The following MAP2K4 variants were observed in gnomAD, a reference collection of about 807,000 sequenced individuals.
MAP2K4 encodes dual specificity mitogen-activated protein kinase kinase 4.
In MAP2K4, 4 loss-of-function variants were observed where a neutral mutation model predicts 48.5. That is an observed-to-expected ratio of 0.08 (90% confidence interval 0.04 to 0.19). MAP2K4 has a LOEUF of 0.19. MAP2K4 is among the 10% of genes least tolerant of loss of function. MAP2K4 has a pLI of 1.00. For synonymous variants in MAP2K4, 166 were observed against 173.1 expected (o/e 0.96, Z 0.32); for missense variants, 258 against 493.3 (o/e 0.52, Z 4.52).
At chr17:12,102,163 T>A (rs1971957847) in intron 4 of MAP2K4, among the ~76,000 whole-genome samples, 1 of 152,126 alleles carries the variant, frequency 6.6e-6, no homozygotes, top group Non-Finnish European at 1.5e-5. Context: ...ATATTTTTAA[T>A]CAGGTTAAGG....
chr17:12,141,711 G>A lies in MAP2K4; in HGVS notation c.*451G>A, dbSNP rs1270006924. 4 of 238,096 alleles carry A rather than the reference G, an allele frequency of 1.7e-5. No homozygotes were observed. The highest frequency in any genetic ancestry group is 2.2e-5 in the African/African-American group (1 of 45,526). 14.7% of individuals were successfully genotyped at this position (238,096 alleles called of 1,614,324 possible). A position where few individuals can be genotyped will look rare whatever the true frequency, so the allele number is the denominator to read the frequency against. ...AGTGAGAAGAGCTTGCACAGCCAAC[G>A]AGACACATTGCCTTCTGGAGCTGGG... On this transcript the variant is annotated 3_prime_UTR_variant, in exon 11 of 11. Coordinates refer to ENST00000353533, the MANE Select transcript of MAP2K4 (RefSeq NM_003010.4).
At chr17:12,092,119 T>C (rs1285712819) in intron 3 of MAP2K4, among the ~76,000 whole-genome samples, 1 of 152,158 alleles carries the variant, frequency 6.6e-6, no homozygotes, top group Non-Finnish European at 1.5e-5. Flanking sequence ...TATTTTATGG[T>C]TTCCTGTAGT....
At chr17:12,049,303 T>C (rs544209441) in intron 1 of MAP2K4, among the ~76,000 whole-genome samples, 1 of 152,344 alleles carries the variant, frequency 6.6e-6, no homozygotes, top group East Asian at 1.9e-4. Context: ...AGGTATTCTA[T>C]GAATGACTTG....
intron 3 of MAP2K4, among the ~76,000 whole-genome samples, chr17:12,089,705 G>T (rs187883470): frequency 3.9e-5 from 6 of 152,212 alleles, no homozygotes; most frequent in African/African-American, 1.4e-4. Flanking sequence ...ACACTCAGCT[G>T]AGCCATACAA....
chr17:12,084,763 T>C (rs1170010829), intron 3 of MAP2K4, among the ~76,000 whole-genome samples: 2 of 152,038 alleles, frequency 1.3e-5, no homozygotes, highest in Non-Finnish European at 2.9e-5. Context: ...GTTAACCAGC[T>C]CTCTGGTTAA....
chr17:12,108,938 A>C (rs1972216826), intron 5 of MAP2K4, among the ~76,000 whole-genome samples: 1 of 152,064 alleles, frequency 6.6e-6, no homozygotes, highest in South Asian at 2.1e-4. Flanking sequence ...ATCTCTCTCT[A>C]ATATATTAAA....
chr17:12,135,158 G>T, intron 9 of MAP2K4, among the ~76,000 whole-genome samples: 1 of 152,030 alleles, frequency 6.6e-6, no homozygotes, highest in East Asian at 1.9e-4. Context: ...GCATGATCTC[G>T]GCTCACCGCA....
At chr17:12,076,837 A>AT (rs575726973) in intron 2 of MAP2K4, among the ~76,000 whole-genome samples, 13 of 147,796 alleles carry the variant, frequency 8.8e-5, no homozygotes, top group Non-Finnish European at 1.6e-4. Context: ...AGAGTTACGG[A>AT]TTTTTTGTGT....
intron 3 of MAP2K4, among the ~76,000 whole-genome samples, chr17:12,090,190 G>A (rs936932280): frequency 6.6e-6 from 1 of 152,122 alleles, no homozygotes; most frequent in Admixed American, 6.6e-5. Context: ...GTAACCCAGA[G>A]TGCCTCTTCA....
intron 1 of MAP2K4, among the ~76,000 whole-genome samples, chr17:12,037,764 A>G (rs181129550): frequency 9.3e-4 from 142 of 152,208 alleles, no homozygotes; most frequent in Non-Finnish European, 1.2e-3. Context: ...TCTGCTTGGA[A>G]AAAAGTTTTT....
chr17:12,106,403 CATT>C (rs1324947793), intron 4 of MAP2K4, among the ~76,000 whole-genome samples: 2 of 152,048 alleles, frequency 1.3e-5, no homozygotes, highest in Non-Finnish European at 2.9e-5. Flanking sequence ...TTTACAAAAA[CATT>C]ATGTATAGCC....
chr17:12,111,368 T>G (rs890485845), intron 6 of MAP2K4, among the ~76,000 whole-genome samples: 2 of 152,204 alleles, frequency 1.3e-5, no homozygotes, highest in African/African-American at 4.8e-5. Context: ...TTTGTTTGGC[T>G]TAATGCTTGT....
chr17:12,141,006 T>G (rs569911622), intron 10 of MAP2K4, 141 bp from the exon 11 acceptor site: 1 of 635,132 alleles, frequency 1.6e-6, no homozygotes, highest in South Asian at 1.9e-5. Flanking sequence ...TGTACTCGCC[T>G]CTCTGAACTT....
At chr17:12,109,909 C>T (rs1307277663) in intron 5 of MAP2K4, among the ~76,000 whole-genome samples, 1 of 151,998 alleles carries the variant, frequency 6.6e-6, no homozygotes, top group Non-Finnish European at 1.5e-5. Flanking sequence ...AGAAGGATCG[C>T]TTGAGCCCAG....
chr17:12,123,099 T>G (rs1424989358), intron 7 of MAP2K4, among the ~76,000 whole-genome samples: 1 of 152,188 alleles, frequency 6.6e-6, no homozygotes, highest in Non-Finnish European at 1.5e-5. Flanking sequence ...TTTGTCAGGT[T>G]TTCAAAAATC....
chr17:12,040,679 C>G (rs1969750313), intron 1 of MAP2K4, among the ~76,000 whole-genome samples: 1 of 152,126 alleles, frequency 6.6e-6, no homozygotes, highest in African/African-American at 2.4e-5. Flanking sequence ...ATTGCCTTCC[C>G]AATACTTGGG....
chr17:12,135,704 C>T (rs987118382), intron 9 of MAP2K4, among the ~76,000 whole-genome samples: 1 of 152,116 alleles, frequency 6.6e-6, no homozygotes, highest in Non-Finnish European at 1.5e-5. Flanking sequence ...CACGCACCAC[C>T]ACTCCCAGCT....
chr17:12,035,724 A>G (rs1969573380), intron 1 of MAP2K4, among the ~76,000 whole-genome samples: 2 of 152,320 alleles, frequency 1.3e-5, no homozygotes, highest in Non-Finnish European at 2.9e-5. Flanking sequence ...GTAGGAGGGT[A>G]TGGGGCAAAG....
intron 3 of MAP2K4, 178 bp from the exon 4 acceptor site, chr17:12,095,397 G>C (rs1032302015): frequency 1.4e-6 from 1 of 692,782 alleles, no homozygotes; most frequent in South Asian, 1.6e-5. Context: ...TAAACTTTCT[G>C]TGATTAAAGT....
Sources: allele counts gnomAD v4.1 joint callset (sites outside exome capture counted in the v4.1 genomes callset), GRCh38; gene constraint gnomAD v4.1.1; transcripts MANE v1.5; gene names NCBI Gene and HGNC (gene_info 2026-07-23, HGNC 2026-07-21).